KDM4A: variants seen among roughly 807,000 people sequenced by gnomAD.
KDM4A encodes lysine-specific demethylase 4A.
In KDM4A, 23 loss-of-function variants were observed where a neutral mutation model predicts 127.1. The observed-to-expected ratio is 0.18, with a 90% confidence interval of 0.13 to 0.26. The LOEUF is 0.26. Among genes scored for constraint, KDM4A ranks in the 10% least tolerant of loss-of-function variants. The pLI is 1.00. For synonymous variants in KDM4A, 443 were observed against 466.5 expected (o/e 0.95, Z 0.65); for missense variants, 890 against 1,329.1 (o/e 0.67, Z 5.14).
At position 43,704,643 on chromosome 1, in the gene KDM4A, A is replaced by G. The variant is rs1661501979; in HGVS notation, c.*273A>G. The G allele has an allele frequency of 2.2e-6, 1 of 449,686 alleles. No individual in the cohort carries two copies. Among genetic ancestry groups the G allele is most frequent in the Non-Finnish European group, 4.0e-6 (1 of 250,176 alleles). 27.9% of individuals were successfully genotyped at this position (449,686 alleles called of 1,614,324 possible). A position where few individuals can be genotyped will look rare whatever the true frequency, so the allele number is the denominator to read the frequency against. ...TGGCTGCACTGGCCCCAGTCCATAG[A>G]GGGGTCAACTATGCTGGCTGGACTG... is the stretch of plus-strand genomic sequence containing the variant. On this transcript the variant is annotated 3_prime_UTR_variant, in exon 22 of 22. Transcript: ENST00000372396.
chr1:43,655,481 A>G (rs1404308575), intron 2 of KDM4A, 110 bp from the exon 3 acceptor site: 2 of 913,148 alleles, frequency 2.2e-6, no homozygotes, highest in Non-Finnish European at 3.3e-6. Context: ...AATCAAAGTA[A>G]CTGTCTAGTA....
At position 43,694,897 on chromosome 1, in the gene KDM4A, G is replaced by A. The variant is rs1661207004; in HGVS notation, c.2670+3G>A. 1 of 1,589,446 alleles carries A rather than the reference G, an allele frequency of 6.3e-7. No homozygotes were observed. Among genetic ancestry groups the A allele is most frequent in the Non-Finnish European group, 8.6e-7 (1 of 1,159,800 alleles). ...GGCACAAGATTCCTAATTTGGAGGT[G>A]AGAGAGGGTGTCATTCTAGAATCCT... On this transcript the variant is annotated splice_donor_region_variant and intron_variant, in intron 18 of 21. Transcript: ENST00000372396. The surrounding 1 kb of genome is among the most constrained non-coding windows in gnomAD (Gnocchi z 5.2).
At chr1:43,685,747 G>A (rs780503597) in intron 12 of KDM4A, among the ~76,000 whole-genome samples, 10 of 148,854 alleles carry the variant, frequency 6.7e-5, no homozygotes, top group East Asian at 2.0e-4. Context: ...CAGCCTGGGC[G>A]ACAGCGAGTC....
rs536721374 is a variant in KDM4A at position 43,705,122 on chromosome 1, G to T, written c.*752G>T. 1.3e-5 allele frequency: 2 copies of T among 152,462 alleles called. No homozygotes were observed. Among genetic ancestry groups the T allele is most frequent in the African/African-American group, 4.8e-5 (2 of 41,566 alleles). The allele number at this position is 152,462 out of a possible 1,614,324, so 9.4% of individuals were successfully genotyped here. A position where few individuals can be genotyped will look rare whatever the true frequency, so the allele number is the denominator to read the frequency against. On this transcript the variant is annotated 3_prime_UTR_variant, in exon 22 of 22. Coordinates refer to ENST00000372396, the MANE Select transcript of KDM4A (RefSeq NM_014663.3). ...CTGTGGCAAAGTATTACAGGGTGTG[G>T]GTGGGGATTACCCTGAATCGGGGAT...
intron 11 of KDM4A, among the ~76,000 whole-genome samples, chr1:43,675,963 C>T (rs936396298): frequency 1.3e-5 from 2 of 151,578 alleles, no homozygotes; most frequent in South Asian, 4.2e-4. Flanking sequence ...ATCCCAGCTG[C>T]TTGGGAGGCT....
At chr1:43,687,519 G>A (rs529475489) in intron 12 of KDM4A, among the ~76,000 whole-genome samples, 3 of 152,226 alleles carry the variant, frequency 2.0e-5, no homozygotes, top group Non-Finnish European at 2.9e-5. Flanking sequence ...GTCAGGGGCC[G>A]CATACTTGGG....
At position 43,667,918 on chromosome 1, in the gene KDM4A, TAAG is replaced by T. The variant is rs1412903844; in HGVS notation, c.1063_1065del (p.Lys355del). On this transcript the variant is annotated inframe_deletion, in exon 9 of 22. Transcript: ENST00000372396. ...CCACGCCAGAAGCAGCTGAGTTTCTTAAGGAGAGTGAACTGCCTCCAAGAGCTG... is the reference window on the plus strand; with the variant it reads ...CCACGCCAGAAGCAGCTGAGTTTCTTGAGAGTGAACTGCCTCCAAGAGCTG... 1 of 1,614,076 alleles carries T rather than the reference TAAG, an allele frequency of 6.2e-7. No individual in the cohort carries two copies. Among genetic ancestry groups the T allele is most frequent in the Non-Finnish European group, 8.5e-7 (1 of 1,180,010 alleles).
rs778496467 is a variant in KDM4A, at chr1:43,668,026, CAGCAGCCCTT to C, written c.1163+8_1163+17del. On this transcript the variant is annotated splice_region_variant and intron_variant, in intron 9 of 21. Coordinates refer to ENST00000372396, the MANE Select transcript of KDM4A (RefSeq NM_014663.3). Reference sequence around the variant, plus strand: ...AAGGAGACCTGAAGACAAGGTAACCCAGCAGCCCTTTTGTCCTGGCTGCGTGAGGGAGGGA... The same window carrying C: ...AAGGAGACCTGAAGACAAGGTAACCCTTGTCCTGGCTGCGTGAGGGAGGGA... 5.0e-6 allele frequency: 8 copies of C among 1,613,578 alleles called. No homozygotes were observed. In the Admixed American group the frequency reaches 1.3e-4, roughly 27 times the overall value.
intron 11 of KDM4A, among the ~76,000 whole-genome samples, chr1:43,674,916 CA>C (rs1660707273): frequency 6.6e-6 from 1 of 152,070 alleles, no homozygotes; most frequent in Non-Finnish European, 1.5e-5. Flanking sequence ...ACTCCCTCTC[CA>C]AAAGACAGAT....
At chr1:43,679,671 A>G (rs1040408926) in intron 11 of KDM4A, among the ~76,000 whole-genome samples, 2 of 152,166 alleles carry the variant, frequency 1.3e-5, no homozygotes, top group Non-Finnish European at 2.9e-5. Flanking sequence ...CCGAAACTGT[A>G]GAGTTTTCAT....
At chr1:43,700,219 C>G (rs1054682162) in intron 19 of KDM4A, among the ~76,000 whole-genome samples, 1 of 152,060 alleles carries the variant, frequency 6.6e-6, no homozygotes, top group Non-Finnish European at 1.5e-5. Flanking sequence ...CCTCCACATA[C>G]CAGGCTCAAG....
chr1:43,655,905 C>CT (rs1271278405), intron 3 of KDM4A, 139 bp downstream of exon 3: 10 of 581,340 alleles, frequency 1.7e-5, no homozygotes, highest in Admixed American at 7.7e-5. Flanking sequence ...TCCCTTTCTG[C>CT]TTTTTTTATG....
At chr1:43,680,960 T>G (rs997317044) in intron 11 of KDM4A, among the ~76,000 whole-genome samples, 7 of 152,204 alleles carry the variant, frequency 4.6e-5, no homozygotes, top group African/African-American at 1.7e-4. Flanking sequence ...CTATCTCCCT[T>G]TCACAAGCTG....
At chr1:43,665,847 C>G (rs924457401) in intron 6 of KDM4A, 102 bp downstream of exon 6, 3 of 1,212,586 alleles carry the variant, frequency 2.5e-6, no homozygotes, top group Non-Finnish European at 3.7e-6. Context: ...CTTGCAGGTC[C>G]TGTTGCAGGC....
chr1:43,689,127 G>A (rs1172217240), intron 13 of KDM4A, 32 bp downstream of exon 13: 1 of 1,602,176 alleles, frequency 6.2e-7, no homozygotes, highest in South Asian at 1.1e-5. Flanking sequence ...TGTTTACCCA[G>A]GACCAGCAAT....
At chr1:43,690,783 G>C in intron 13 of KDM4A, 62 bp from the exon 14 acceptor site, 1 of 1,451,944 alleles carries the variant, frequency 6.9e-7, no homozygotes, top group Non-Finnish European at 9.7e-7. Context: ...TGATAGAGCA[G>C]GTGGAAAGCT....
chr1:43,667,729 G>A (rs771346438), intron 8 of KDM4A, 43 bp from the exon 9 acceptor site: 21 of 1,611,810 alleles, frequency 1.3e-5, no homozygotes, highest in Non-Finnish European at 1.8e-5. Context: ...GTTGGAAGCA[G>A]CAAGGTATGC....
rs143860274 is a variant in KDM4A at position 43,667,709 on chromosome 1, G to A, written c.916-63G>A. 5.7e-4 allele frequency: 920 copies of A among 1,604,214 alleles called. 8 individuals are homozygous for A. In the African/African-American group the frequency reaches 0.011, roughly 19 times the overall value. ...TCCATGTGGAGGGAGGAGCTAGGACGTGGGGGTGAGTTGGAAGCAGCAAGG... is the reference window on the plus strand; with the variant it reads ...TCCATGTGGAGGGAGGAGCTAGGACATGGGGGTGAGTTGGAAGCAGCAAGG... On this transcript the variant is annotated intron_variant, in intron 8 of 21. Transcript: ENST00000372396.
intron 1 of KDM4A, among the ~76,000 whole-genome samples, chr1:43,652,443 A>G (rs867356781): frequency 1.1e-4 from 17 of 152,264 alleles, no homozygotes; most frequent in African/African-American, 3.8e-4. Context: ...GTTTTGATAC[A>G]TCAGGTTCTT....
Sources: gnomAD v4.1 joint callset for allele counts (sites outside exome capture counted in the v4.1 genomes callset) on GRCh38, gnomAD v4.1.1 for gene constraint, Gnocchi (gnomAD v3.1) non-coding constraint, MANE v1.5 for transcripts, NCBI Gene and HGNC (gene_info 2026-07-23, HGNC 2026-07-21) for gene names.